The following NEGR1 variants were observed in gnomAD, a reference collection of about 807,000 sequenced individuals.
NEGR1 encodes IgLON family member 4.
A neutral mutation model predicts 40.9 loss-of-function variants in NEGR1; 10 were observed. The ratio of observed to expected loss-of-function variants is 0.24; its 90% CI spans 0.15 to 0.42. The LOEUF (loss-of-function observed/expected upper bound fraction) is 0.42. NEGR1 is among the 10% of genes least tolerant of loss of function. NEGR1 has a pLI of 1.00. For synonymous variants in NEGR1, 185 were observed against 166.8 expected (o/e 1.11, Z -0.84); for missense variants, 352 against 438.9 (o/e 0.80, Z 1.77).
At chr1:72,259,263 C>T (rs941243013) in intron 1 of NEGR1, among the ~76,000 whole-genome samples, 1 of 152,144 alleles carries the variant, frequency 6.6e-6, no homozygotes, top group Non-Finnish European at 1.5e-5. Context: ...GACATTAATT[C>T]AGGCACTGTG....
rs1553122107 is a variant in NEGR1 at position 71,928,109 on chromosome 1, T to TAC, written c.409+6968_409+6969dup. ...GTATATATACACACATATGTATATA[T>TAC]ACACATATGTATATATACACACATA... On this transcript the variant is annotated intron_variant, in intron 2 of 6. Transcript: ENST00000357731. Among the ~76,000 whole-genome samples the TAC allele has an allele frequency of 5.9e-4, 58 of 97,774 alleles. 11 individuals are homozygous for TAC. The highest frequency in any genetic ancestry group is 2.5e-3 in the African/African-American group (47 of 18,692). The allele number at this position is 97,774 out of a possible 152,430, so 64.1% of individuals were successfully genotyped here.
At chr1:72,194,076 C>T (rs909789250) in intron 1 of NEGR1, among the ~76,000 whole-genome samples, 2 of 151,704 alleles carry the variant, frequency 1.3e-5, no homozygotes, top group Admixed American at 1.3e-4. Flanking sequence ...ATTTAAAGAG[C>T]ATATAGTTGG....
intron 6 of NEGR1, among the ~76,000 whole-genome samples, chr1:71,534,939 G>T (rs1182853513): frequency 6.6e-6 from 1 of 151,436 alleles, no homozygotes; most frequent in African/African-American, 2.4e-5. Flanking sequence ...ATGTTCTAAT[G>T]AACACTGTCC....
In NEGR1 at chr1:71,676,543, CA is replaced by C. The variant is rs1223959359; in HGVS notation, c.667+21464del. Among the ~76,000 whole-genome samples the C allele has an allele frequency of 3.3e-5, 5 of 152,184 alleles. No individual in the cohort carries two copies. In the East Asian group the frequency reaches 9.7e-4, roughly 29 times the overall value. On this transcript the variant is annotated intron_variant, in intron 4 of 6. Coordinates refer to ENST00000357731, the MANE Select transcript of NEGR1 (RefSeq NM_173808.3). ...GATCTCCCATGCAGTAGGATTCCTT[CA>C]ACCATTGTTGGGTGTCAGAAATTTC... is the stretch of plus-strand genomic sequence containing the variant.
intron 1 of NEGR1, among the ~76,000 whole-genome samples, chr1:71,969,609 T>C (rs904986101): frequency 2.0e-5 from 3 of 152,166 alleles, no homozygotes; most frequent in Admixed American, 6.5e-5. Context: ...ACACTTACCA[T>C]TGGGGGCAGG....
Position 71,898,711 on chromosome 1 carries a change from T to C in NEGR1, c.409+36368A>G, listed in dbSNP as rs577632559. ...TACACGTTTGGACGTTCAAAACATATCTTGCAATAATTGTGTTTAAATAAA... is the reference window on the plus strand; with the variant it reads ...TACACGTTTGGACGTTCAAAACATACCTTGCAATAATTGTGTTTAAATAAA... On this transcript the variant is annotated intron_variant, in intron 2 of 6. Coordinates refer to ENST00000357731, the MANE Select transcript of NEGR1 (RefSeq NM_173808.3). Among the ~76,000 whole-genome samples the C allele has an allele frequency of 1.2e-4, 18 of 151,416 alleles. No homozygotes were observed. The South Asian group carries it at 3.8e-3, about 32-fold the overall frequency.
intron 4 of NEGR1, among the ~76,000 whole-genome samples, chr1:71,659,336 T>G (rs1259636637): frequency 6.6e-6 from 1 of 152,086 alleles, no homozygotes; most frequent in Non-Finnish European, 1.5e-5. Context: ...CTCCCCAATA[T>G]GGATTACTCT....
At chr1:72,085,010 G>A (rs552180441) in intron 1 of NEGR1, among the ~76,000 whole-genome samples, 1 of 152,248 alleles carries the variant, frequency 6.6e-6, no homozygotes, top group East Asian at 1.9e-4. Flanking sequence ...ATGAAAACGT[G>A]AGACACTTGT....
intron 2 of NEGR1, among the ~76,000 whole-genome samples, chr1:71,831,151 T>C (rs1658826527): frequency 6.6e-6 from 1 of 151,958 alleles, no homozygotes. Flanking sequence ...AAAAACAGTA[T>C]GCTGTCTTTT....
chr1:72,271,658 A>G (rs111607900), intron 1 of NEGR1, among the ~76,000 whole-genome samples: 306 of 152,042 alleles, frequency 2.0e-3, no homozygotes, highest in African/African-American at 6.8e-3. Context: ...CGTACAGTGT[A>G]TATCACTTCA....
chr1:71,564,203 T>A (rs374427079), intron 6 of NEGR1, among the ~76,000 whole-genome samples: 3 of 152,134 alleles, frequency 2.0e-5, no homozygotes, highest in African/African-American at 7.2e-5. Context: ...GCACTTTAAA[T>A]AAGTTTGGGA....
At chr1:72,144,834 A>G (rs767654848) in intron 1 of NEGR1, among the ~76,000 whole-genome samples, 1 of 152,050 alleles carries the variant, frequency 6.6e-6, no homozygotes, top group African/African-American at 2.4e-5. Context: ...TAAAACCAAC[A>G]TAAAGATTTT....
At chr1:71,669,352 A>G (rs1378935084) in intron 4 of NEGR1, among the ~76,000 whole-genome samples, 1 of 152,006 alleles carries the variant, frequency 6.6e-6, no homozygotes, top group Non-Finnish European at 1.5e-5. Flanking sequence ...TTGGGTATAT[A>G]GCTATCATAA....
In NEGR1 at chr1:72,050,526, C is replaced by A. The variant is rs1044368334; in HGVS notation, c.177-115215G>T. ...TCTAAAGTGTTTGTCTACTTCAATT[C>A]TAACTAATATGCAAAAGGTAATCAT... On this transcript the variant is annotated intron_variant, in intron 1 of 6. Coordinates refer to ENST00000357731, the MANE Select transcript of NEGR1 (RefSeq NM_173808.3). Among the ~76,000 whole-genome samples the A allele has an allele frequency of 8.6e-5, 13 of 151,652 alleles. No individual in the cohort carries two copies. In the East Asian group the frequency reaches 1.9e-3, roughly 23 times the overall value.
chr1:71,713,992 A>AC (rs1654190783), intron 3 of NEGR1, among the ~76,000 whole-genome samples: 1 of 152,154 alleles, frequency 6.6e-6, no homozygotes, highest in African/African-American at 2.4e-5. Context: ...AGGAAACAGT[A>AC]CCTATTGTAT....
chr1:71,728,223 A>G (rs989421679), intron 3 of NEGR1, among the ~76,000 whole-genome samples: 2 of 152,248 alleles, frequency 1.3e-5, no homozygotes, highest in Admixed American at 1.3e-4. Flanking sequence ...TGGAATGTTG[A>G]TTTATTTCAA....
intron 2 of NEGR1, among the ~76,000 whole-genome samples, chr1:71,911,369 G>A (rs1202904609): frequency 6.6e-6 from 1 of 152,040 alleles, no homozygotes; most frequent in Non-Finnish European, 1.5e-5. Flanking sequence ...CTTAAAACCT[G>A]GCTCTATTAT....
chr1:71,768,524 A>G (rs1656208228), intron 3 of NEGR1, among the ~76,000 whole-genome samples: 1 of 152,174 alleles, frequency 6.6e-6, no homozygotes, highest in East Asian at 1.9e-4. Context: ...CTTGCAAGTA[A>G]CTAACTTCTT....
rs372906054 is a variant in NEGR1, at chr1:71,617,035, A to G, written c.668-5889T>C. Among the ~76,000 whole-genome samples, 27 of 152,364 alleles carry G rather than the reference A, an allele frequency of 1.8e-4. No homozygotes were observed. The East Asian group carries it at 4.4e-3, about 25-fold the overall frequency. ...CATGGAGACCAAGCACCTTGCATTA[A>G]AAGACAAGACTTTGGAGTTTTTCAA... On this transcript the variant is annotated intron_variant, in intron 4 of 6. Transcript: ENST00000357731.
Sources: gnomAD v4.1 joint callset for allele counts (sites outside exome capture counted in the v4.1 genomes callset) on GRCh38, gnomAD v4.1.1 for gene constraint, MANE v1.5 for transcripts, NCBI Gene and HGNC (gene_info 2026-07-23, HGNC 2026-07-21) for gene names.